Variants in SGCZ observed in about 807,000 individuals in gnomAD.
SGCZ encodes the protein sarcoglycan zeta.
In SGCZ, 40 loss-of-function variants were observed where a neutral mutation model predicts 41.3. The observed-to-expected ratio is 0.97, with a 90% CI of 0.75 to 1.26. The LOEUF (loss-of-function observed/expected upper bound fraction) is 1.26, where lower values mean the gene tolerates loss of function less well. Ranked by LOEUF, SGCZ falls within the 50% of genes most tolerant of loss-of-function variation. The probability of loss-of-function intolerance (pLI) is 0.00; values close to 1 mark genes in which losing one functional copy is unlikely to be tolerated. For missense variants in SGCZ, 552 were observed against 369.8 expected (o/e 1.49, Z -4.04); for synonymous variants, 206 against 137.5 (o/e 1.50, Z -3.49).
intron 2 of SGCZ, among the ~76,000 whole-genome samples, chr8:14,370,659 T>G (rs1051154636): frequency 3.3e-5 from 5 of 151,874 alleles, no homozygotes; most frequent in African/African-American, 1.2e-4. Flanking sequence ...ATTTATGTGG[T>G]TAATGAAAAG....
At position 15,178,023 on chromosome 8, in the gene SGCZ, T is replaced by A. The variant is rs148540693; in HGVS notation, c.39+59562A>T. On this transcript the variant is annotated intron_variant, in intron 1 of 7. Transcript: ENST00000382080. ...CTATGACCTCTACCTGTAAGCCCCATGCTTGGGGCCTAGCCTTGCAATTTG... is the reference window on the plus strand; with the variant it reads ...CTATGACCTCTACCTGTAAGCCCCAAGCTTGGGGCCTAGCCTTGCAATTTG... 3.4e-3 allele frequency among the ~76,000 whole-genome samples: 523 copies of A among 152,244 alleles called. 3 individuals carry two copies. Among genetic ancestry groups the A allele is most frequent in the African/African-American group, 0.012 (498 of 41,530 alleles).
rs188556257 is a variant in SGCZ, at chr8:14,768,823, T to G, written c.40-213897A>C. The stretch of plus-strand genomic sequence containing the variant: ...TCTCTGCTTGTCCCATTTTAACCAC[T>G]GTTCATGGTACCCAGTAAGTCAGTC... On this transcript the variant is annotated intron_variant, in intron 1 of 7. Coordinates refer to ENST00000382080, the MANE Select transcript of SGCZ (RefSeq NM_139167.4). 4.5e-3 allele frequency among the ~76,000 whole-genome samples: 682 copies of G among 152,052 alleles called. 1 individual carries two copies. The highest frequency in any genetic ancestry group is 0.011 in the East Asian group (55 of 5,106).
At chr8:14,691,284 T>C (rs1808790359) in intron 1 of SGCZ, among the ~76,000 whole-genome samples, 1 of 152,154 alleles carries the variant, frequency 6.6e-6, no homozygotes, top group African/African-American at 2.4e-5. Context: ...CTCTTTGAAA[T>C]TTTAAATAAA....
At chr8:14,235,392 T>C (rs914846605) in intron 4 of SGCZ, among the ~76,000 whole-genome samples, 2 of 152,202 alleles carry the variant, frequency 1.3e-5, no homozygotes, top group African/African-American at 4.8e-5. Flanking sequence ...AGCTGCTGTG[T>C]CATTAACTTA....
At chr8:14,809,206 T>C (rs1480439006) in intron 1 of SGCZ, among the ~76,000 whole-genome samples, 2 of 151,956 alleles carry the variant, frequency 1.3e-5, no homozygotes, top group South Asian at 2.1e-4. Flanking sequence ...AATGTGCACA[T>C]GTACCCTAAA....
chr8:14,218,454 T>C (rs914517866), intron 4 of SGCZ, among the ~76,000 whole-genome samples: 8 of 152,204 alleles, frequency 5.3e-5, no homozygotes, highest in African/African-American at 1.9e-4. Flanking sequence ...GGACATTATC[T>C]GTTCCCAGAT....
intron 1 of SGCZ, among the ~76,000 whole-genome samples, chr8:14,769,699 G>A (rs1800165394): frequency 1.3e-5 from 2 of 149,594 alleles, no homozygotes; most frequent in Non-Finnish European, 2.9e-5. Context: ...GGCTGAGTCA[G>A]GAGAATCATC....
chr8:14,871,692 T>C (rs569650902), intron 1 of SGCZ, among the ~76,000 whole-genome samples: 2 of 152,020 alleles, frequency 1.3e-5, no homozygotes, highest in Non-Finnish European at 1.5e-5. Context: ...TAGTCCCAGC[T>C]ACTTGGGAGG....
chr8:14,286,242 A>G (rs142758853), intron 3 of SGCZ, among the ~76,000 whole-genome samples: 1 of 152,188 alleles, frequency 6.6e-6, no homozygotes, highest in African/African-American at 2.4e-5. Flanking sequence ...TCTATAGCAT[A>G]TTTTTCTAAT....
At position 14,086,943 on chromosome 8, in the gene SGCZ, CCT is replaced by C. The variant is rs1183574347; in HGVS notation, c.*3498_*3499del. ...AAGGAAATGTCTAGTTTGATATACC[CCT>C]CTCACAGATAAGTGAACTGTGACCA... On this transcript the variant is annotated 3_prime_UTR_variant, in exon 8 of 8. Coordinates refer to ENST00000382080, the MANE Select transcript of SGCZ (RefSeq NM_139167.4). Among the ~76,000 whole-genome samples the C allele has an allele frequency of 6.6e-6, 1 of 151,442 alleles. No homozygotes were observed. Among genetic ancestry groups the C allele is most frequent in the African/African-American group, 2.4e-5 (1 of 41,322 alleles).
At chr8:15,109,332 A>G (rs1471974590) in intron 1 of SGCZ, among the ~76,000 whole-genome samples, 6 of 152,146 alleles carry the variant, frequency 3.9e-5, no homozygotes, top group Non-Finnish European at 7.4e-5. Context: ...ACTAAAATTC[A>G]TGTTTCTAGA....
rs541852098 is a variant in SGCZ, at chr8:14,869,127, C to A, written c.40-314201G>T. 2.6e-4 allele frequency among the ~76,000 whole-genome samples: 39 copies of A among 152,180 alleles called. 2 individuals carry two copies. Among genetic ancestry groups the A allele is most frequent in the African/African-American group, 8.7e-4 (36 of 41,532 alleles). On this transcript the variant is annotated intron_variant, in intron 1 of 7. Coordinates refer to ENST00000382080, the MANE Select transcript of SGCZ (RefSeq NM_139167.4). Reference sequence around the variant, plus strand: ...TTCTGATACCCAAACCTGGCAGAGACACAACAAAAAAAGAAAATTTCAGGC... The same window carrying A: ...TTCTGATACCCAAACCTGGCAGAGAAACAACAAAAAAAGAAAATTTCAGGC...
intron 1 of SGCZ, among the ~76,000 whole-genome samples, chr8:14,856,228 A>G (rs1224276829): frequency 6.6e-6 from 1 of 152,210 alleles, no homozygotes; most frequent in African/African-American, 2.4e-5. Flanking sequence ...GATTCAATGA[A>G]AATAAATAGA....
At chr8:14,950,745 G>A (rs183440293) in intron 1 of SGCZ, among the ~76,000 whole-genome samples, 1 of 152,128 alleles carries the variant, frequency 6.6e-6, no homozygotes, top group African/African-American at 2.4e-5. Context: ...CAATACATAA[G>A]AGTTGAATGC....
rs560933077 is a variant in SGCZ at position 14,573,551 on chromosome 8, G to C, written c.40-18625C>G. Among the ~76,000 whole-genome samples the C allele has an allele frequency of 1.5e-3, 231 of 152,204 alleles. 1 individual carries two copies. Among genetic ancestry groups the C allele is most frequent in the African/African-American group, 5.0e-3 (207 of 41,532 alleles). On this transcript the variant is annotated intron_variant, in intron 1 of 7. Transcript: ENST00000382080. Reference sequence around the variant, plus strand: ...TCTCCTACCTTTCTCCTCAACGAAAGAGCTATTAGAGAATTTTTCATCCAA... The same window carrying C: ...TCTCCTACCTTTCTCCTCAACGAAACAGCTATTAGAGAATTTTTCATCCAA...
intron 1 of SGCZ, among the ~76,000 whole-genome samples, chr8:15,060,134 A>G: frequency 6.6e-6 from 1 of 152,132 alleles, no homozygotes; most frequent in African/African-American, 2.4e-5. Context: ...ATCTAGAACT[A>G]GAAATACCAT....
intron 2 of SGCZ, among the ~76,000 whole-genome samples, chr8:14,477,839 C>T (rs1452278734): frequency 1.3e-5 from 2 of 152,198 alleles, no homozygotes; most frequent in Non-Finnish European, 2.9e-5. Context: ...TTTATATCAT[C>T]ACCAACTTAA....
chr8:14,363,068 C>A, intron 2 of SGCZ, among the ~76,000 whole-genome samples: 1 of 151,920 alleles, frequency 6.6e-6, no homozygotes, highest in East Asian at 1.9e-4. Context: ...TGGTAATAGT[C>A]TGGAGGAAAG....
chr8:15,111,156 C>T (rs1807035000), intron 1 of SGCZ, among the ~76,000 whole-genome samples: 1 of 152,072 alleles, frequency 6.6e-6, no homozygotes, highest in African/African-American at 2.4e-5. Context: ...GGAATTCACA[C>T]TATTTTCATA....
Sources: gnomAD v4.1 joint callset for allele counts (sites outside exome capture counted in the v4.1 genomes callset) on GRCh38, gnomAD v4.1.1 for gene constraint, MANE v1.5 for transcripts, NCBI Gene and HGNC (gene_info 2026-07-23, HGNC 2026-07-21) for gene names.